NXPH1: variants seen among roughly 807,000 people sequenced by gnomAD.
The protein encoded by NXPH1 is neurexophilin 1, also known as neurexophilin-1.
NXPH1 carries 5 observed loss-of-function variants against 23.7 expected under a neutral mutation model. The observed-to-expected ratio is 0.21, with a 90% confidence interval of 0.11 to 0.44. The LOEUF (loss-of-function observed/expected upper bound fraction) is 0.44. NXPH1 is among the 20% of genes least tolerant of loss of function. The pLI is 0.99. For synonymous variants in NXPH1, 144 were observed against 122.2 expected, an observed-to-expected ratio of 1.18 and a Z score of -1.18; for missense variants, 324 against 321.6, an observed-to-expected ratio of 1.01 and a Z score of -0.06.
At chr7:8,615,965 C>T (rs377348751) in intron 2 of NXPH1, among the ~76,000 whole-genome samples, 2 of 151,880 alleles carry the variant, frequency 1.3e-5, no homozygotes, top group South Asian at 2.1e-4. Flanking sequence ...CTATTTTTGC[C>T]GTTATCTTCT....
At chr7:8,512,133 T>C (rs1394725738) in intron 2 of NXPH1, among the ~76,000 whole-genome samples, 1 of 152,100 alleles carries the variant, frequency 6.6e-6, no homozygotes, top group Non-Finnish European at 1.5e-5. Context: ...ACCAGAGGGA[T>C]TGCTGTGGCT....
intron 2 of NXPH1, among the ~76,000 whole-genome samples, chr7:8,467,743 G>A (rs1302809291): frequency 6.6e-6 from 1 of 152,140 alleles, no homozygotes. Context: ...ACAGTGGTCA[G>A]TAACAAGATA....
chr7:8,750,984 G>A, intron 2 of NXPH1, 24 bp from the exon 3 acceptor site: 2 of 1,609,294 alleles, frequency 1.2e-6, no homozygotes, highest in Non-Finnish European at 1.7e-6. Flanking sequence ...AGATGTAAAT[G>A]CCATTTTTCT....
At chr7:8,713,952 G>A (rs995414687) in intron 2 of NXPH1, among the ~76,000 whole-genome samples, 5 of 152,096 alleles carry the variant, frequency 3.3e-5, no homozygotes, top group South Asian at 2.1e-4. Flanking sequence ...TCAAGGCCCC[G>A]GCAACCACTG....
intron 2 of NXPH1, among the ~76,000 whole-genome samples, chr7:8,704,424 C>G (rs1289070041): frequency 1.3e-5 from 2 of 152,134 alleles, no homozygotes; most frequent in African/African-American, 4.8e-5. Flanking sequence ...AAAGGACATT[C>G]TTTTAACTTA....
intron 2 of NXPH1, among the ~76,000 whole-genome samples, chr7:8,446,092 C>A (rs1403585907): frequency 6.6e-6 from 1 of 152,108 alleles, no homozygotes; most frequent in African/African-American, 2.4e-5. Context: ...TTGTGAAGCC[C>A]TTGTAAAATA....
intron 2 of NXPH1, among the ~76,000 whole-genome samples, chr7:8,576,725 G>C (rs1246523443): frequency 1.3e-5 from 2 of 151,978 alleles, no homozygotes; most frequent in Non-Finnish European, 2.9e-5. Flanking sequence ...AGAGGTGAGG[G>C]AGAGAGATGT....
chr7:8,473,566 T>C (rs1211921724), intron 2 of NXPH1, among the ~76,000 whole-genome samples: 1 of 152,104 alleles, frequency 6.6e-6, no homozygotes, highest in Non-Finnish European at 1.5e-5. Context: ...TACTGTATTA[T>C]CAGTTCAACA....
At position 8,685,986 on chromosome 7, in the gene NXPH1, G is replaced by A. The variant is rs755046540; in HGVS notation, c.55-65022G>A. On this transcript the variant is annotated intron_variant, in intron 2 of 2. Transcript: ENST00000405863. ...TGGATACTCCAATTCTCCATGATGT[G>A]TTTATTCCACGTTGCATGCGTGTAT... Among the ~76,000 whole-genome samples, 63 of 152,030 alleles carry A rather than the reference G, an allele frequency of 4.1e-4. 1 individual carries two copies. Among genetic ancestry groups the A allele is most frequent in the Non-Finnish European group, 8.5e-4 (58 of 67,970 alleles).
chr7:8,467,263 T>C (rs1816801085), intron 2 of NXPH1, among the ~76,000 whole-genome samples: 1 of 152,182 alleles, frequency 6.6e-6, no homozygotes. Flanking sequence ...ATGTATTTTA[T>C]AGATCTATGA....
intron 2 of NXPH1, among the ~76,000 whole-genome samples, chr7:8,568,530 C>T (rs1377038109): frequency 2.6e-5 from 4 of 151,602 alleles, no homozygotes; most frequent in Non-Finnish European, 4.4e-5. Flanking sequence ...TTATGACCTC[C>T]TAACTGTGGT....
At chr7:8,495,746 G>A (rs1447547591) in intron 2 of NXPH1, among the ~76,000 whole-genome samples, 1 of 152,060 alleles carries the variant, frequency 6.6e-6, no homozygotes, top group Non-Finnish European at 1.5e-5. Flanking sequence ...ACCACTCAGA[G>A]AATCTGAAAT....
At chr7:8,564,525 T>A (rs1818506534) in intron 2 of NXPH1, among the ~76,000 whole-genome samples, 1 of 151,686 alleles carries the variant, frequency 6.6e-6, no homozygotes, top group Non-Finnish European at 1.5e-5. Context: ...TGAAAGCATA[T>A]CTCAAACTGA....
At chr7:8,634,665 G>GT (rs144810873) in intron 2 of NXPH1, among the ~76,000 whole-genome samples, 3,952 of 95,256 alleles carry the variant, frequency 0.041, 453 homozygotes, top group East Asian at 0.075. Context: ...GTCCAGAAGA[G>GT]TTTTTTTTTT....
intron 2 of NXPH1, among the ~76,000 whole-genome samples, chr7:8,628,609 G>T (rs546473513): frequency 6.6e-6 from 1 of 151,582 alleles, no homozygotes; most frequent in South Asian, 2.1e-4. Flanking sequence ...AGAACTGGGG[G>T]GTATGAAAGA....
At chr7:8,520,667 C>T (rs1817756546) in intron 2 of NXPH1, among the ~76,000 whole-genome samples, 1 of 140,488 alleles carries the variant, frequency 7.1e-6, no homozygotes, top group African/African-American at 2.7e-5. Flanking sequence ...TTGACCATGC[C>T]CAAGAAACTT....
At chr7:8,637,225 C>CTT (rs532810877) in intron 2 of NXPH1, among the ~76,000 whole-genome samples, 83 of 142,972 alleles carry the variant, frequency 5.8e-4, no homozygotes, top group African/African-American at 1.7e-3. Flanking sequence ...GGGACTGACT[C>CTT]TTTTTTTTTT....
intron 2 of NXPH1, among the ~76,000 whole-genome samples, chr7:8,647,639 G>A (rs900020761): frequency 6.6e-5 from 10 of 151,692 alleles, no homozygotes; most frequent in South Asian, 2.1e-4. Flanking sequence ...TCTTTTAATC[G>A]CTAGTTATGT....
At chr7:8,666,953 A>T (rs1820780873) in intron 2 of NXPH1, among the ~76,000 whole-genome samples, 1 of 151,696 alleles carries the variant, frequency 6.6e-6, no homozygotes, top group African/African-American at 2.4e-5. Context: ...TTATCTTTTA[A>T]TTTTTTTGTT....
Sources: gnomAD v4.1 joint callset for allele counts (sites outside exome capture counted in the v4.1 genomes callset) on GRCh38, gnomAD v4.1.1 for gene constraint, MANE v1.5 for transcripts, NCBI Gene and HGNC (gene_info 2026-07-23, HGNC 2026-07-21) for gene names.